Variants in CHN2 observed in about 807,000 individuals in gnomAD.
CHN2 encodes the protein beta-chimaerin.
Under a neutral mutation model 56.3 loss-of-function variants are expected in CHN2, and 35 were observed. That is an observed-to-expected ratio of 0.62 (90% CI 0.47 to 0.82). The LOEUF (loss-of-function observed/expected upper bound fraction) is 0.82, where lower values mean the gene tolerates loss of function less well. CHN2 is among the 40% of genes least tolerant of loss of function. The probability of loss-of-function intolerance (pLI) is 0.00; values close to 1 mark genes in which losing one functional copy is unlikely to be tolerated. For synonymous variants in CHN2, 210 were observed against 212.8 expected (o/e 0.99, Z 0.12); for missense variants, 491 against 580.5 (o/e 0.85, Z 1.58).
Position 29,509,311 on chromosome 7 carries a change from T to C in CHN2, c.1140T>C (p.Asn380=). The C allele has an allele frequency of 1.2e-6, 2 of 1,613,690 alleles. No homozygotes were observed. Among genetic ancestry groups the C allele is most frequent in the African/African-American group, 1.3e-5 (1 of 75,052 alleles). ...GCGTGAACTTCACAGAAATCTCCAA[T>C]GCAGATGAGAGGCTGGAAGCCGTCC... ...SKFIDAAKIS[N]ADERLEAVHE... is the part of the protein sequence containing the mutation. Residue 380 remains asparagine (N), a synonymous_variant, in exon 12 of 13, where the codon AAT becomes AAC. Transcript: ENST00000222792.
At chr7:29,195,363 T>C (rs1783553717) in intron 1 of CHN2, 1 of 234,478 alleles carries the variant, frequency 4.3e-6, no homozygotes, top group Non-Finnish European at 8.2e-6. Flanking sequence ...CCGACCTGTT[T>C]GCCGTGCCGC....
At chr7:29,205,708 G>A (rs1443221185) in intron 1 of CHN2, among the ~76,000 whole-genome samples, 2 of 152,136 alleles carry the variant, frequency 1.3e-5, no homozygotes, top group Non-Finnish European at 2.9e-5. Context: ...TCTACTCTAT[G>A]TAAAGCTCCA....
chr7:29,202,563 A>G (rs1402616879), intron 1 of CHN2, among the ~76,000 whole-genome samples: 1 of 152,212 alleles, frequency 6.6e-6, no homozygotes, highest in East Asian at 1.9e-4. Context: ...AACTATAATA[A>G]CCAAAAGACT....
chr7:29,339,292 G>A (rs2128911536), intron 1 of CHN2, among the ~76,000 whole-genome samples: 1 of 152,076 alleles, frequency 6.6e-6, no homozygotes, highest in African/African-American at 2.4e-5. Flanking sequence ...GGATATAAGT[G>A]AAAACCAAAT....
chr7:29,308,992 G>A (rs1451174033), intron 1 of CHN2, among the ~76,000 whole-genome samples: 3 of 152,128 alleles, frequency 2.0e-5, no homozygotes, highest in Non-Finnish European at 2.9e-5. Context: ...CTTGCACAGA[G>A]TAGATTACCC....
At chr7:29,178,774 C>T (rs997760982) in intron 2 of CHN2, among the ~76,000 whole-genome samples, 1 of 152,052 alleles carries the variant, frequency 6.6e-6, no homozygotes, top group Non-Finnish European at 1.5e-5. Flanking sequence ...TGGAATTAGC[C>T]ATCTGCATTC....
intron 1 of CHN2, among the ~76,000 whole-genome samples, chr7:29,330,442 C>T (rs181603446): frequency 7.2e-5 from 11 of 152,176 alleles, no homozygotes; most frequent in Non-Finnish European, 1.3e-4. Context: ...AAAGAGAGTC[C>T]CCCGCTTAGA....
intron 1 of CHN2, among the ~76,000 whole-genome samples, chr7:29,277,765 C>T (rs1791354610): frequency 6.6e-6 from 1 of 152,178 alleles, no homozygotes; most frequent in African/African-American, 2.4e-5. Context: ...AGAGTTTCTG[C>T]AGTTTTTTCA....
intron 1 of CHN2, among the ~76,000 whole-genome samples, chr7:29,228,639 A>G (rs1287656084): frequency 6.6e-6 from 1 of 152,266 alleles, no homozygotes; most frequent in Non-Finnish European, 1.5e-5. Context: ...TAGACCAGCA[A>G]TATGTGATTC....
At chr7:29,204,923 CA>C (rs1784416465) in intron 1 of CHN2, among the ~76,000 whole-genome samples, 1 of 152,148 alleles carries the variant, frequency 6.6e-6, no homozygotes, top group Non-Finnish European at 1.5e-5. Flanking sequence ...AAATCCTAGG[CA>C]ATTACACATG....
intron 1 of CHN2, among the ~76,000 whole-genome samples, chr7:29,255,277 C>T (rs1287344621): frequency 1.3e-5 from 2 of 152,202 alleles, no homozygotes; most frequent in Non-Finnish European, 2.9e-5. Flanking sequence ...CCAGGGAAGG[C>T]CATCGAGCTC....
chr7:29,492,993 C>T (rs1214801424), intron 7 of CHN2, among the ~76,000 whole-genome samples: 2 of 152,180 alleles, frequency 1.3e-5, no homozygotes, highest in African/African-American at 2.4e-5. Context: ...CTGCTCCCTA[C>T]CTTTAATATA....
chr7:29,506,035 T>C (rs1450764501), intron 10 of CHN2, among the ~76,000 whole-genome samples: 1 of 152,212 alleles, frequency 6.6e-6, no homozygotes, highest in African/African-American at 2.4e-5. Flanking sequence ...GCAAAAGATA[T>C]TAAGAATTCC....
intron 2 of CHN2, among the ~76,000 whole-genome samples, chr7:29,174,877 G>T (rs1047900793): frequency 2.5e-4 from 37 of 145,172 alleles, no homozygotes; most frequent in Non-Finnish European, 2.3e-4. Flanking sequence ...AAAAAAAAAA[G>T]AATTTTTAGA....
At chr7:29,457,387 GC>G (rs1397573859) in intron 6 of CHN2, among the ~76,000 whole-genome samples, 1 of 152,108 alleles carries the variant, frequency 6.6e-6, no homozygotes, top group Non-Finnish European at 1.5e-5. Context: ...ATTGTCATCA[GC>G]CCCCAGGCCG....
Position 29,246,861 on chromosome 7 carries a change from T to TA in CHN2, c.49+51873dup, listed in dbSNP as rs527823914. Among the ~76,000 whole-genome samples, 1,003 of 152,256 alleles carry TA rather than the reference T, an allele frequency of 6.6e-3. 12 individuals are homozygous for TA. Among genetic ancestry groups the TA allele is most frequent in the African/African-American group, 0.023 (954 of 41,532 alleles). The stretch of plus-strand genomic sequence containing the variant: ...GCTGCTTTTATAGGCACTAATCCTG[T>TA]AATGAAGGGCCAGCTCTCATGAACT... On this transcript the variant is annotated intron_variant, in intron 1 of 12. Coordinates refer to ENST00000222792, the MANE Select transcript of CHN2 (RefSeq NM_004067.4).
intron 1 of CHN2, among the ~76,000 whole-genome samples, chr7:29,307,915 A>C (rs1402471016): frequency 6.6e-6 from 1 of 152,204 alleles, no homozygotes; most frequent in African/African-American, 2.4e-5. Context: ...CCATAATTCA[A>C]GATATTAAAT....
In CHN2 at chr7:29,194,832, G is replaced by A. The variant is rs1562820760; in HGVS notation, c.-110G>A. ...GCTGGTGCTTTCTGCGCGTCCCCAG[G>A]ACTTTGCCATGGGCTGGGGGCCGCG... On this transcript the variant is annotated 5_prime_UTR_variant, in exon 1 of 13. Transcript: ENST00000222792. 4 of 1,016,940 alleles carry A rather than the reference G, an allele frequency of 3.9e-6. No homozygotes were observed. Among genetic ancestry groups the A allele is most frequent in the East Asian group, 6.7e-5 (2 of 29,984 alleles). The allele number at this position is 1,016,940 out of a possible 1,614,324, so 63.0% of individuals were successfully genotyped here.
At chr7:29,158,827 CTT>C (rs1794786107) in intron 2 of CHN2, among the ~76,000 whole-genome samples, 1 of 152,134 alleles carries the variant, frequency 6.6e-6, no homozygotes, top group South Asian at 2.1e-4. Flanking sequence ...ATGCTTAACT[CTT>C]AGAGAGATAC....
Sources: gnomAD v4.1 joint callset for allele counts (sites outside exome capture counted in the v4.1 genomes callset) on GRCh38, gnomAD v4.1.1 for gene constraint, MANE v1.5 for transcripts, NCBI Gene and HGNC (gene_info 2026-07-23, HGNC 2026-07-21) for gene names.